Variants in GREB1L observed in about 807,000 individuals in gnomAD.
GREB1L encodes GREB1-like protein.
GREB1L carries 17 observed loss-of-function variants against 200.8 expected under a neutral mutation model. The ratio of observed to expected loss-of-function variants is 0.08; its 90% CI spans 0.06 to 0.13. The LOEUF (loss-of-function observed/expected upper bound fraction) is 0.13. GREB1L is among the 10% of genes least tolerant of loss of function. The pLI is 1.00. For synonymous variants in GREB1L, 789 were observed against 893.0 expected (o/e 0.88, Z 2.08); for missense variants, 1,657 against 2,367.7 (o/e 0.70, Z 6.23).
rs570844668 is a variant in GREB1L at position 21,465,282 on chromosome 18, G to A, written c.2183-7749G>A. 7.2e-5 allele frequency among the ~76,000 whole-genome samples: 11 copies of A among 152,066 alleles called. No homozygotes were observed. In the South Asian group the frequency reaches 1.0e-3, roughly 14 times the overall value. Reference sequence around the variant, plus strand: ...CAAAACCCATGCTTAATTCTTAATTGGATACTTGAGTAAAATATAAAAAGT... The same window carrying A: ...CAAAACCCATGCTTAATTCTTAATTAGATACTTGAGTAAAATATAAAAAGT... On this transcript the variant is annotated intron_variant, in intron 15 of 32. Coordinates refer to ENST00000424526, the MANE Select transcript of GREB1L (RefSeq NM_001142966.3).
chr18:21,497,071 A>G (rs144175391), intron 21 of GREB1L, among the ~76,000 whole-genome samples: 9 of 152,342 alleles, frequency 5.9e-5, no homozygotes, highest in Non-Finnish European at 1.2e-4. Flanking sequence ...TGTTTGTGCT[A>G]AATGGCTTAG....
chr18:21,425,478 A>G (rs1306351377), intron 7 of GREB1L, among the ~76,000 whole-genome samples: 1 of 152,244 alleles, frequency 6.6e-6, no homozygotes, highest in Non-Finnish European at 1.5e-5. Flanking sequence ...ACTGTTTTCC[A>G]AAGTGGCAGC....
chr18:21,478,909 T>G (rs1266473809), intron 17 of GREB1L, among the ~76,000 whole-genome samples: 1 of 152,062 alleles, frequency 6.6e-6, no homozygotes, highest in Non-Finnish European at 1.5e-5. Context: ...TGAGGCAGAG[T>G]CTCGCTCTGT....
intron 1 of GREB1L, among the ~76,000 whole-genome samples, chr18:21,344,850 C>G (rs1175546237): frequency 6.6e-6 from 1 of 152,160 alleles, no homozygotes; most frequent in Non-Finnish European, 1.5e-5. Flanking sequence ...AGTTGGTGAT[C>G]GCTACTGGAG....
chr18:21,461,114 AAG>A (rs1323453888), intron 15 of GREB1L, among the ~76,000 whole-genome samples: 3 of 151,564 alleles, frequency 2.0e-5, no homozygotes, highest in Non-Finnish European at 2.9e-5. Context: ...AAAAAAGAAA[AAG>A]AAAAAAAACC....
At chr18:21,518,381 AAT>A in intron 31 of GREB1L, 147 bp downstream of exon 31, 1 of 741,510 alleles carries the variant, frequency 1.3e-6, no homozygotes, top group Admixed American at 2.9e-5. Flanking sequence ...TAAAGATAGT[AAT>A]ACAGATCAAA....
intron 1 of GREB1L, among the ~76,000 whole-genome samples, chr18:21,315,565 A>T (rs1166104863): frequency 1.3e-5 from 2 of 152,206 alleles, no homozygotes; most frequent in African/African-American, 4.8e-5. Context: ...CATTAGAGGA[A>T]TGGTAAAGTC....
intron 1 of GREB1L, among the ~76,000 whole-genome samples, chr18:21,244,398 C>T (rs1339074758): frequency 1.3e-5 from 2 of 151,972 alleles, no homozygotes; most frequent in East Asian, 1.9e-4. Flanking sequence ...AGGATAAATA[C>T]GAAGGCCGAG....
chr18:21,260,791 T>G (rs1306488309), intron 1 of GREB1L, among the ~76,000 whole-genome samples: 1 of 151,968 alleles, frequency 6.6e-6, no homozygotes, highest in Non-Finnish European at 1.5e-5. Flanking sequence ...GTTATGATAG[T>G]CCAGCTGCCA....
At chr18:21,334,218 G>T (rs377472219) in intron 1 of GREB1L, among the ~76,000 whole-genome samples, 1 of 152,112 alleles carries the variant, frequency 6.6e-6, no homozygotes, top group African/African-American at 2.4e-5. Flanking sequence ...TCAGATTTTT[G>T]TAAGAGTTTG....
At chr18:21,261,832 CTT>C (rs2037894946) in intron 1 of GREB1L, among the ~76,000 whole-genome samples, 1 of 151,978 alleles carries the variant, frequency 6.6e-6, no homozygotes, top group African/African-American at 2.4e-5. Context: ...AAAGAAAAGA[CTT>C]TTGTTTATTC....
chr18:21,391,290 C>T (rs1598744331), intron 4 of GREB1L, among the ~76,000 whole-genome samples: 1 of 152,164 alleles, frequency 6.6e-6, no homozygotes, highest in East Asian at 1.9e-4. Context: ...AATACTTAAC[C>T]ATTGTGTTAC....
At chr18:21,412,548 C>T (rs577828267) in intron 7 of GREB1L, among the ~76,000 whole-genome samples, 5 of 152,244 alleles carry the variant, frequency 3.3e-5, no homozygotes, top group East Asian at 3.9e-4. Context: ...CAAAAGACTC[C>T]GTCCAATATT....
chr18:21,249,566 G>A (rs2037665503), intron 1 of GREB1L, among the ~76,000 whole-genome samples: 1 of 152,050 alleles, frequency 6.6e-6, no homozygotes, highest in Non-Finnish European at 1.5e-5. Flanking sequence ...AAAAGTGAGA[G>A]ATATCTGGCC....
rs553318647 is a variant in GREB1L at position 21,423,588 on chromosome 18, G to A, written c.833-15933G>A. ...AGAATGGGAGGCTCAGACCGGGCGCGTTCACTCATGCCTGTAATCCCGGCA... is the reference window on the plus strand; with the variant it reads ...AGAATGGGAGGCTCAGACCGGGCGCATTCACTCATGCCTGTAATCCCGGCA... On this transcript the variant is annotated intron_variant, in intron 7 of 32. Coordinates refer to ENST00000424526, the MANE Select transcript of GREB1L (RefSeq NM_001142966.3). Among the ~76,000 whole-genome samples the A allele has an allele frequency of 7.1e-4, 108 of 152,254 alleles. 1 individual carries two copies. In the South Asian group the frequency reaches 0.01, roughly 15 times the overall value.
intron 31 of GREB1L, among the ~76,000 whole-genome samples, chr18:21,519,353 T>C (rs918438441): frequency 3.3e-5 from 5 of 152,054 alleles, no homozygotes; most frequent in African/African-American, 9.7e-5. Flanking sequence ...GTCCCAGCTA[T>C]TCAAAAGGCT....
rs548989398 is a variant in GREB1L at position 21,517,163 on chromosome 18, C to T, written c.5271+409C>T. On this transcript the variant is annotated intron_variant, in intron 30 of 32. Transcript: ENST00000424526. Reference sequence around the variant, plus strand: ...TGCTGGGATTACAGGCATGAGCCACCGCATCCGGCCATTAGGGAGTTCTTA... The same window carrying T: ...TGCTGGGATTACAGGCATGAGCCACTGCATCCGGCCATTAGGGAGTTCTTA... 3.0e-4 allele frequency among the ~76,000 whole-genome samples: 45 copies of T among 152,256 alleles called. No homozygotes were observed. The South Asian group carries it at 3.9e-3, about 13-fold the overall frequency.
chr18:21,284,620 TTGC>T (rs1261625245), intron 1 of GREB1L, among the ~76,000 whole-genome samples: 3 of 152,238 alleles, frequency 2.0e-5, no homozygotes, highest in Non-Finnish European at 2.9e-5. Flanking sequence ...TAAATAGTGC[TTGC>T]TGCTGCAGTG....
chr18:21,465,116 T>C (rs1386349943), intron 15 of GREB1L, among the ~76,000 whole-genome samples: 1 of 152,168 alleles, frequency 6.6e-6, no homozygotes, highest in Non-Finnish European at 1.5e-5. Context: ...TGAAGAACAT[T>C]TAAAATCTAC....
Sources: gnomAD v4.1 joint callset for allele counts (sites outside exome capture counted in the v4.1 genomes callset) on GRCh38, gnomAD v4.1.1 for gene constraint, MANE v1.5 for transcripts, NCBI Gene and HGNC (gene_info 2026-07-23, HGNC 2026-07-21) for gene names.